Variants in PKD2L1 observed in about 807,000 individuals in gnomAD.
The protein encoded by PKD2L1 is polycystin 2 like 1, transient receptor potential cation channel, also known as polycystin-2-like protein 1.
In PKD2L1, 77 loss-of-function variants were observed where a neutral mutation model predicts 93.0. That is an observed-to-expected ratio of 0.83 (90% CI 0.69 to 1.00). The LOEUF (loss-of-function observed/expected upper bound fraction) is 1.00, where lower values mean the gene tolerates loss of function less well. Ranked by LOEUF, PKD2L1 falls within the 50% of genes least tolerant of loss-of-function variation. PKD2L1 has a pLI of 0.00. For synonymous variants in PKD2L1, 390 were observed against 388.0 expected, an observed-to-expected ratio of 1.01 and a Z score of -0.06; for missense variants, 977 against 990.9, an observed-to-expected ratio of 0.99 and a Z score of 0.19.
intron 7 of PKD2L1, 73 bp downstream of exon 7, chr10:100,296,042 AAAAAAAG>A: frequency 2.2e-6 from 3 of 1,375,766 alleles, no homozygotes; most frequent in East Asian, 2.4e-5. Flanking sequence ...CTCAAAAAAA[AAAAAAAG>A]AAAAAAAAGA....
At chr10:100,320,132 G>T (rs141176621) in intron 2 of PKD2L1, among the ~76,000 whole-genome samples, 72 of 152,306 alleles carry the variant, frequency 4.7e-4, no homozygotes, top group African/African-American at 1.7e-3. Context: ...TATTCATAAT[G>T]ACAGTAATAA....
chr10:100,326,806 T>C (rs1849389333), intron 2 of PKD2L1, among the ~76,000 whole-genome samples: 1 of 152,228 alleles, frequency 6.6e-6, no homozygotes, highest in African/African-American at 2.4e-5. Flanking sequence ...TGAATGGCAG[T>C]GCACAGTGTT....
chr10:100,296,336 T>A (rs761312207), intron 6 of PKD2L1, 44 bp from the exon 7 acceptor site: 1 of 1,506,868 alleles, frequency 6.6e-7, no homozygotes, highest in South Asian at 1.3e-5. Flanking sequence ...GGCAAGGGGA[T>A]CTCAAGGGAA....
At chr10:100,297,739 T>C (rs1473152136) in intron 4 of PKD2L1, 133 bp from the exon 5 acceptor site, 4 of 473,866 alleles carry the variant, frequency 8.4e-6, no homozygotes, top group Non-Finnish European at 1.5e-5. Flanking sequence ...TGTGTGTGTG[T>C]GTGTGTATGA....
In PKD2L1 at chr10:100,312,821, C is replaced by G. The variant is rs1388032047; in HGVS notation, c.350-13103G>C. On this transcript the variant is annotated intron_variant, in intron 2 of 15. Coordinates refer to ENST00000318222, the MANE Select transcript of PKD2L1 (RefSeq NM_016112.3). ...CAATCAAACCAGGAAGTCAACAGTC[C>G]TGAGGAAGATGAAGAGTCTTCTTCT... 4.9e-4 allele frequency among the ~76,000 whole-genome samples: 74 copies of G among 151,846 alleles called. 1 individual carries two copies. The highest frequency in any genetic ancestry group is 1.5e-5 in the Non-Finnish European group (1 of 67,966).
intron 2 of PKD2L1, among the ~76,000 whole-genome samples, chr10:100,303,348 G>A (rs976523715): frequency 4.0e-5 from 6 of 151,834 alleles, no homozygotes; most frequent in Non-Finnish European, 7.4e-5. Flanking sequence ...CATGCAGCAC[G>A]ACGCCCGGCT....
chr10:100,290,480 T>C lies in PKD2L1; in HGVS notation c.2047A>G (p.Ile683Val), dbSNP rs1375940625. 2 of 1,613,618 alleles carry C rather than the reference T, an allele frequency of 1.2e-6. No individual in the cohort carries two copies. The highest frequency in any genetic ancestry group is 2.2e-5 in the South Asian group (2 of 91,088). Residue 683 changes from isoleucine to valine, a missense_variant, in exon 13 of 16, where the codon ATT (isoleucine) becomes GTT (valine). Ile to Val is a conservative substitution (Grantham distance 29, BLOSUM62 3). Coordinates refer to ENST00000318222, the MANE Select transcript of PKD2L1 (RefSeq NM_016112.3). ...NTEIEKLGRS[I>V]VSSPQGKSGP... is the part of the protein sequence containing the mutation. Reference sequence around the variant, plus strand: ...GATTTGCCTTGTGGGCTGCTCACAATAGATCGGCCTAGTTTCTCAATCTCA... The same window carrying C: ...GATTTGCCTTGTGGGCTGCTCACAACAGATCGGCCTAGTTTCTCAATCTCA...
At chr10:100,313,326 T>C (rs1056941821) in intron 2 of PKD2L1, among the ~76,000 whole-genome samples, 1 of 152,106 alleles carries the variant, frequency 6.6e-6, no homozygotes, top group African/African-American at 2.4e-5. Context: ...TGTTAAAAGG[T>C]GCCCAAGCTG....
intron 3 of PKD2L1, among the ~76,000 whole-genome samples, chr10:100,299,374 T>A (rs902705002): frequency 9.2e-5 from 14 of 152,228 alleles, no homozygotes; most frequent in African/African-American, 3.4e-4. Context: ...CTCCCGATAC[T>A]AATCTAACTC....
At position 100,329,852 on chromosome 10, in the gene PKD2L1, G is replaced by A. The variant is rs1171585169; in HGVS notation, c.235+17C>T. On this transcript the variant is annotated intron_variant, in intron 1 of 15. Transcript: ENST00000318222. ...CTGATTCTAATATCCCAGGAGAACT[G>A]TCCCCCTATCTGGTACCTCTGATGC... The A allele has an allele frequency of 1.3e-6, 2 of 1,518,652 alleles. No individual in the cohort carries two copies. Among genetic ancestry groups the A allele is most frequent in the Non-Finnish European group, 1.8e-6 (2 of 1,102,000 alleles). 94.1% of individuals were successfully genotyped at this position (1,518,652 alleles called of 1,614,324 possible).
intron 4 of PKD2L1, 152 bp downstream of exon 4, chr10:100,298,410 A>G: frequency 1.3e-6 from 1 of 748,138 alleles, no homozygotes; most frequent in Non-Finnish European, 2.2e-6. Context: ...GTCCCCAAAC[A>G]GTCACAGCTG....
intron 2 of PKD2L1, among the ~76,000 whole-genome samples, chr10:100,314,253 C>A (rs1290729300): frequency 6.6e-6 from 1 of 152,046 alleles, no homozygotes; most frequent in Non-Finnish European, 1.5e-5. Flanking sequence ...GAGTTCCCAG[C>A]AGGGAGAGCC....
chr10:100,300,393 A>G (rs11190462), intron 2 of PKD2L1, among the ~76,000 whole-genome samples: 17,598 of 98,288 alleles, frequency 0.18, 1,251 homozygotes, highest in South Asian at 0.38. Context: ...TGCAAGTTAA[A>G]TTAAAAAAAA....
chr10:100,299,703 G>A lies in PKD2L1; in HGVS notation c.365C>T (p.Thr122Ile). The A allele has an allele frequency of 6.2e-7, 1 of 1,613,656 alleles. No homozygotes were observed. The highest frequency in any genetic ancestry group is 8.5e-7 in the Non-Finnish European group (1 of 1,179,528). ...GGTGTAGTAATAAGCACTGGAGCTT[G>A]TCATTCCATAGGTCACTAGAAAACA... Reference protein sequence around the residue: ...VDICLLTYGMTSSSAYYYTKV... With the variant: ...VDICLLTYGMISSSAYYYTKV... Residue 122 changes from threonine to isoleucine, a missense_variant, in exon 3 of 16, where the codon ACA becomes ATA. Physicochemically the swap from Thr to Ile is moderately conservative, Grantham distance 89. Coordinates refer to ENST00000318222, the MANE Select transcript of PKD2L1 (RefSeq NM_016112.3).
At position 100,295,017 on chromosome 10, in the gene PKD2L1, A is replaced by ATC; in HGVS notation, c.1462_1463insGA (p.Phe488Ter). ...GTAGCCGAGTTGGGCATAGGCGAAG[A>ATC]AAACAATGAAGAACATGACGGCGAA... Reference protein sequence around the residue: ...LGFAVMFFIVFFAYAQLGYLL... With the variant: ...LGFAVMFFIV Residue 488 changes from phenylalanine (F) to a stop codon, truncating the protein, a stop_gained and frameshift_variant, in exon 8 of 16, where the codon TTC becomes TGATC. Transcript: ENST00000318222. LOFTEE classifies it high-confidence loss of function. 1 of 1,614,222 alleles carries ATC rather than the reference A, an allele frequency of 6.2e-7. No homozygotes were observed. The highest frequency in any genetic ancestry group is 8.5e-7 in the Non-Finnish European group (1 of 1,180,036).
rs375238205 is a variant in PKD2L1, at chr10:100,295,000, G to C, written c.1480C>G (p.Leu494Val). ...FFIVFFAYAQ[L>V]GYLLFGTQVE... ...TGGGTCCCGAAAAGCAGGTAGCCGAGTTGGGCATAGGCGAAGAAAACAATG... is the reference window on the plus strand; with the variant it reads ...TGGGTCCCGAAAAGCAGGTAGCCGACTTGGGCATAGGCGAAGAAAACAATG... The change falls in exon 8 of 16, where the codon CTC becomes GTC. Residue 494 changes from leucine (L) to valine (V), a missense_variant. By Grantham distance (32) the Leu-to-Val change is conservative. Coordinates refer to ENST00000318222, the MANE Select transcript of PKD2L1 (RefSeq NM_016112.3). 6.2e-7 allele frequency: 1 copy of C among 1,614,202 alleles called. No homozygotes were observed. The highest frequency in any genetic ancestry group is 8.5e-7 in the Non-Finnish European group (1 of 1,180,030).
intron 3 of PKD2L1, 133 bp from the exon 4 acceptor site, chr10:100,298,948 T>C: frequency 3.2e-6 from 2 of 632,648 alleles, no homozygotes; most frequent in Middle Eastern, 4.9e-4. Context: ...GTTATTATTA[T>C]TATTATTATT....
At chr10:100,289,444 C>G (rs1848354306) in intron 14 of PKD2L1, among the ~76,000 whole-genome samples, 2 of 152,272 alleles carry the variant, frequency 1.3e-5, no homozygotes, top group South Asian at 4.1e-4. Flanking sequence ...GAGGCTGAGG[C>G]AGGAGAATCA....
In PKD2L1 at chr10:100,320,536, G is replaced by A. The variant is rs561100083; in HGVS notation, c.349+8675C>T. Among the ~76,000 whole-genome samples, 13 of 152,262 alleles carry A rather than the reference G, an allele frequency of 8.5e-5. No homozygotes were observed. The South Asian group carries it at 2.5e-3, about 29-fold the overall frequency. ...AGATCTTGGAAATGAGGTCGCTGGT[G>A]GTTGATTCCTCACCTAGGGTCTAAT... On this transcript the variant is annotated intron_variant, in intron 2 of 15. Coordinates refer to ENST00000318222, the MANE Select transcript of PKD2L1 (RefSeq NM_016112.3).
Sources: allele counts gnomAD v4.1 joint callset (sites outside exome capture counted in the v4.1 genomes callset), GRCh38; gene constraint gnomAD v4.1.1; transcripts MANE v1.5; gene names NCBI Gene and HGNC (gene_info 2026-07-23, HGNC 2026-07-21).